TNS4: variants seen among roughly 807,000 people sequenced by gnomAD.
TNS4 encodes the protein tensin-4.
Under a neutral mutation model 70.4 loss-of-function variants are expected in TNS4, and 46 were observed. The ratio of observed to expected loss-of-function variants is 0.65; its 90% CI spans 0.52 to 0.84. The LOEUF (loss-of-function observed/expected upper bound fraction) is 0.84. Among genes scored for constraint, TNS4 ranks in the 40% least tolerant of loss-of-function variants. The pLI is 0.00. For missense variants in TNS4, 863 were observed against 907.0 expected (o/e 0.95, Z 0.62); for synonymous variants, 390 against 366.6 (o/e 1.06, Z -0.73).
At chr17:40,487,942 T>C (rs539629264) in intron 3 of TNS4, among the ~76,000 whole-genome samples, 110 of 152,372 alleles carry the variant, frequency 7.2e-4, no homozygotes, top group Non-Finnish European at 1.1e-3. Context: ...CCTGTGCCAG[T>C]GGGCATGGCT....
rs1051998768 is a variant in TNS4, at chr17:40,475,883, T to C, written c.*1705A>G. On this transcript the variant is annotated 3_prime_UTR_variant, in exon 13 of 13. Transcript: ENST00000254051. The stretch of plus-strand genomic sequence containing the variant: ...TTTCATGATAGGAGCTGTAGCAGAG[T>C]ATATGGGGGCCTCTGCCAGCCCCCA... 6.6e-6 allele frequency: 1 copy of C among 152,012 alleles called. No individual in the cohort carries two copies. The highest frequency in any genetic ancestry group is 2.4e-5 in the African/African-American group (1 of 41,370). The allele number at this position is 152,012 out of a possible 1,614,324, so 9.4% of individuals were successfully genotyped here.
chr17:40,480,829 C>G (rs765769949), intron 8 of TNS4, 61 bp from the exon 9 acceptor site: 3 of 1,552,890 alleles, frequency 1.9e-6, no homozygotes, highest in Non-Finnish European at 2.6e-6. Context: ...ATGGACCCCT[C>G]TCACAGGAAC....
Position 40,488,629 on chromosome 17 carries a change from C to T in TNS4, c.780G>A (p.Leu260=). 6.5e-7 allele frequency: 1 copy of T among 1,527,144 alleles called. No homozygotes were observed. The highest frequency in any genetic ancestry group is 8.8e-7 in the Non-Finnish European group (1 of 1,137,578). The allele number at this position is 1,527,144 out of a possible 1,614,324, so 94.6% of individuals were successfully genotyped here. ...TGCCCCGCTGTGGGGCCAGGCCTCC[C>T]AGCCGCTTCTCCAGTCTTGGAGAAG... ...LVASPRLEKR[L]GGLAPQRGSR... The change falls in exon 3 of 13, where the codon CTG becomes CTA. Residue 260 remains leucine (L), a synonymous_variant. Transcript: ENST00000254051.
intron 2 of TNS4, among the ~76,000 whole-genome samples, chr17:40,491,242 G>A (rs2036062614): frequency 6.6e-6 from 1 of 152,166 alleles, no homozygotes; most frequent in Non-Finnish European, 1.5e-5. Flanking sequence ...GAGTGGGGAT[G>A]GAGCTAACAC....
chr17:40,478,785 A>G (rs1213623122), intron 10 of TNS4, 137 bp from the exon 11 acceptor site: 2 of 937,490 alleles, frequency 2.1e-6, no homozygotes, highest in Non-Finnish European at 3.2e-6. Flanking sequence ...GAAGACCGCT[A>G]TGGCCTTTCC....
At position 40,477,248 on chromosome 17, in the gene TNS4, C is replaced by G. The variant is rs2143771417; in HGVS notation, c.*340G>C. ...TGGGCAGGGCCCAGGTCGATGGGGT[C>G]AGAGGGTCCTTGGAGGTTATTTTCA... On this transcript the variant is annotated 3_prime_UTR_variant, in exon 13 of 13. Transcript: ENST00000254051. 4.7e-6 allele frequency: 1 copy of G among 211,604 alleles called. No individual in the cohort carries two copies. Among genetic ancestry groups the G allele is most frequent in the Middle Eastern group, 1.7e-3 (1 of 600 alleles). The allele number at this position is 211,604 out of a possible 1,614,324, so 13.1% of individuals were successfully genotyped here. A position where few individuals can be genotyped will look rare whatever the true frequency, so the allele number is the denominator to read the frequency against.
At chr17:40,483,806 A>C (rs2143793409) in intron 6 of TNS4, among the ~76,000 whole-genome samples, 1 of 152,292 alleles carries the variant, frequency 6.6e-6, no homozygotes, top group South Asian at 2.1e-4. Flanking sequence ...ATTGCTCTGG[A>C]GTCATTAAGT....
intron 1 of TNS4, among the ~76,000 whole-genome samples, chr17:40,496,894 T>C (rs2036152956): frequency 6.6e-6 from 1 of 152,222 alleles, no homozygotes; most frequent in South Asian, 2.1e-4. Context: ...TGCTGAGTAA[T>C]TATTATCCAC....
At chr17:40,494,910 C>T (rs921628546) in intron 2 of TNS4, among the ~76,000 whole-genome samples, 3 of 152,034 alleles carry the variant, frequency 2.0e-5, no homozygotes, top group Non-Finnish European at 2.9e-5. Flanking sequence ...GCCTTGGAGG[C>T]CTCAGTCTTC....
intron 6 of TNS4, 100 bp downstream of exon 6, chr17:40,484,384 G>A (rs1051144722): frequency 4.6e-6 from 7 of 1,522,682 alleles, no homozygotes; most frequent in East Asian, 4.6e-5. Context: ...TAAGACTGGC[G>A]CCATGTCACC....
intron 10 of TNS4, 117 bp from the exon 11 acceptor site, chr17:40,478,765 G>C: frequency 5.0e-6 from 6 of 1,200,292 alleles, no homozygotes; most frequent in Non-Finnish European, 6.0e-6. Context: ...AAGTCTCTGG[G>C]TTAGACCTTG....
In TNS4 at chr17:40,476,367, GGCGT is replaced by G. The variant is rs1233649642; in HGVS notation, c.*1217_*1220del. On this transcript the variant is annotated 3_prime_UTR_variant, in exon 13 of 13. Coordinates refer to ENST00000254051, the MANE Select transcript of TNS4 (RefSeq NM_032865.6). ...GGTTGAAGCCACATAGCAGTAGAGG[GGCGT>G]GTGTGTGTGTGTGTGTGTGTGTGTG... The G allele has an allele frequency of 6.3e-5, 8 of 126,002 alleles. 1 individual carries two copies. Among genetic ancestry groups the G allele is most frequent in the South Asian group, 5.9e-4 (2 of 3,396 alleles). The allele number at this position is 126,002 out of a possible 1,614,324, so 7.8% of individuals were successfully genotyped here.
In TNS4 at chr17:40,484,535, C is replaced by T. The variant is rs542606977; in HGVS notation, c.1450G>A (p.Gly484Ser). The T allele has an allele frequency of 1.1e-5, 18 of 1,612,684 alleles. No homozygotes were observed. Among genetic ancestry groups the T allele is most frequent in the East Asian group, 1.1e-4 (5 of 44,876 alleles). The change falls in exon 6 of 13, where the codon GGC becomes AGC. Residue 484 changes from glycine (G) to serine (S), a missense_variant. Gly to Ser is a moderately conservative substitution (Grantham distance 56). Transcript: ENST00000254051. Reference sequence around the variant, plus strand: ...ACCTCCTGCACCTTCAGGGCCAGGCCGAAGGAGCCTCGGTATGAAGAGCTG... The same window carrying T: ...ACCTCCTGCACCTTCAGGGCCAGGCTGAAGGAGCCTCGGTATGAAGAGCTG... ...RDSSSYRGSFGLALKVQEVPA... is the reference protein window; with the variant it reads ...RDSSSYRGSFSLALKVQEVPA...
chr17:40,482,486 G>A, intron 6 of TNS4, 70 bp from the exon 7 acceptor site: 2 of 1,488,178 alleles, frequency 1.3e-6, no homozygotes, highest in South Asian at 2.3e-5. Context: ...GCTCACGCCT[G>A]TAATCCCAGC....
At position 40,488,554 on chromosome 17, in the gene TNS4, C is replaced by T. The variant is rs533621798; in HGVS notation, c.855G>A (p.Met285Ile). The change falls in exon 3 of 13, where the codon ATG becomes ATA. Residue 285 changes from methionine (M) to isoleucine (I), a missense_variant. Physicochemically the swap from Met to Ile is conservative, Grantham distance 10 (BLOSUM62 1). Transcript: ENST00000254051. ...GAAGCTACAGAACCTACCTTCCAAA[C>T]ATATAGCTGACATCAGACACTGGGC... ...SASPVSDVSY[M>I]FGSSQSLLHS... 39 of 1,508,014 alleles carry T rather than the reference C, an allele frequency of 2.6e-5. No individual in the cohort carries two copies. The South Asian group carries it at 4.3e-4, about 17-fold the overall frequency. The allele number at this position is 1,508,014 out of a possible 1,614,324, so 93.4% of individuals were successfully genotyped here.
At chr17:40,489,748 T>C (rs560396144) in intron 2 of TNS4, among the ~76,000 whole-genome samples, 4 of 145,516 alleles carry the variant, frequency 2.7e-5, no homozygotes, top group South Asian at 4.4e-4. Context: ...TGAGCCGAGA[T>C]TGCGCCACTG....
At chr17:40,497,765 G>T (rs369453016) in intron 1 of TNS4, among the ~76,000 whole-genome samples, 203 of 152,310 alleles carry the variant, frequency 1.3e-3, no homozygotes, top group African/African-American at 4.4e-3. Context: ...GCCAGATCCC[G>T]TAGGGCCTTG....
chr17:40,500,485 G>C (rs999045022), intron 1 of TNS4, among the ~76,000 whole-genome samples: 1 of 152,152 alleles, frequency 6.6e-6, no homozygotes, highest in Non-Finnish European at 1.5e-5. Flanking sequence ...GGCACGGGGC[G>C]GGGGCAAGGA....
intron 8 of TNS4, among the ~76,000 whole-genome samples, chr17:40,481,861 G>A (rs1192700066): frequency 6.6e-6 from 1 of 152,202 alleles, no homozygotes; most frequent in African/African-American, 2.4e-5. Flanking sequence ...TTCTATGCCA[G>A]GCATTGCGCT....
Sources: allele counts gnomAD v4.1 joint callset (sites outside exome capture counted in the v4.1 genomes callset), GRCh38; gene constraint gnomAD v4.1.1; transcripts MANE v1.5; gene names NCBI Gene and HGNC (gene_info 2026-07-23, HGNC 2026-07-21).